The following RAB21 variants were observed in gnomAD, a reference collection of about 807,000 sequenced individuals.
RAB21 encodes RAB21, member RAS oncogene family.
A neutral mutation model predicts 33.1 loss-of-function variants in RAB21; 13 were observed. The ratio of observed to expected loss-of-function variants is 0.39; its 90% confidence interval spans 0.26 to 0.62. The LOEUF (loss-of-function observed/expected upper bound fraction) is 0.62, where lower values mean the gene tolerates loss of function less well. Ranked by LOEUF, RAB21 falls within the 20% of genes least tolerant of loss-of-function variation. The pLI, the probability that RAB21 is intolerant of heterozygous loss-of-function variation, is 0.48. For missense variants in RAB21, 234 were observed against 279.1 expected (o/e 0.84, Z 1.15); for synonymous variants, 91 against 103.7 (o/e 0.88, Z 0.74).
At chr12:71,763,572 A>G (rs924410864) in intron 1 of RAB21, among the ~76,000 whole-genome samples, 1 of 151,878 alleles carries the variant, frequency 6.6e-6, no homozygotes, top group Non-Finnish European at 1.5e-5. Context: ...ATCAGGTGTT[A>G]ATACAAGTTA....
chr12:71,769,706 C>G, intron 1 of RAB21, 94 bp from the exon 2 acceptor site: 1 of 566,712 alleles, frequency 1.8e-6, no homozygotes, highest in Non-Finnish European at 3.0e-6. Context: ...TCCCAGATAA[C>G]TTTTACATTG....
intron 1 of RAB21, among the ~76,000 whole-genome samples, chr12:71,765,855 T>C (rs1417086282): frequency 2.0e-5 from 3 of 152,108 alleles, no homozygotes; most frequent in Non-Finnish European, 4.4e-5. Context: ...GTTTCAGCTT[T>C]CTTCTTAAAT....
At chr12:71,770,721 G>A (rs1379679128) in intron 3 of RAB21, 22 bp downstream of exon 3, 1 of 1,432,972 alleles carries the variant, frequency 7.0e-7, no homozygotes, top group East Asian at 2.3e-5. Context: ...ATGGGTAGAT[G>A]TCTTAGAAGA....
chr12:71,764,529 G>A (rs1301734134), intron 1 of RAB21, among the ~76,000 whole-genome samples: 1 of 152,002 alleles, frequency 6.6e-6, no homozygotes, highest in Non-Finnish European at 1.5e-5. Flanking sequence ...AAGTTCTTTA[G>A]TGGTGATTTC....
intron 1 of RAB21, among the ~76,000 whole-genome samples, chr12:71,768,932 C>CGTGTGT (rs60960317): frequency 8.6e-5 from 13 of 151,424 alleles, no homozygotes; most frequent in African/African-American, 3.2e-4. Context: ...GTATACTTGA[C>CGTGTGT]GTGTGTGTGT....
intron 1 of RAB21, among the ~76,000 whole-genome samples, chr12:71,763,017 T>A (rs889200100): frequency 4.6e-5 from 7 of 152,018 alleles, no homozygotes; most frequent in Non-Finnish European, 8.8e-5. Flanking sequence ...TATTTTATTT[T>A]AAAAATTAAC....
At position 71,788,613 on chromosome 12, in the gene RAB21, T is replaced by TAA. The variant is rs1428838872; in HGVS notation, c.*2940_*2941insAA. 1 of 152,210 alleles carries TAA rather than the reference T, an allele frequency of 6.6e-6. No individual in the cohort carries two copies. The highest frequency in any genetic ancestry group is 1.5e-5 in the Non-Finnish European group (1 of 68,024). 9.4% of individuals were successfully genotyped at this position (152,210 alleles called of 1,614,324 possible). Reference sequence around the variant, plus strand: ...CATTCTTTTTCTGATAATTGTGCTATTAGGCAGAAGACACAAGTTACCACG... The same window carrying TAA: ...CATTCTTTTTCTGATAATTGTGCTATAATAGGCAGAAGACACAAGTTACCACG... On this transcript the variant is annotated 3_prime_UTR_variant, in exon 7 of 7. Coordinates refer to ENST00000261263, the MANE Select transcript of RAB21 (RefSeq NM_014999.4).
At position 71,794,499 on chromosome 12, in the gene RAB21, CTA is replaced by C. The variant is rs1357307274; in HGVS notation, c.*8828_*8829del. The C allele has an allele frequency of 8.6e-6, 1 of 116,814 alleles. No individual in the cohort carries two copies. The highest frequency in any genetic ancestry group is 3.3e-5 in the African/African-American group (1 of 30,554). The allele number at this position is 116,814 out of a possible 1,614,324, so 7.2% of individuals were successfully genotyped here. A position where few individuals can be genotyped will look rare whatever the true frequency, so the allele number is the denominator to read the frequency against. On this transcript the variant is annotated 3_prime_UTR_variant, in exon 7 of 7. Transcript: ENST00000261263. The stretch of plus-strand genomic sequence containing the variant: ...TGTCCCAGGCCAGAGTGCAGTGGCG[CTA>C]TCTCGGCTCACTGCAAGCTCCGGCT...
In RAB21 at chr12:71,770,626, G is replaced by T; in HGVS notation, c.254G>T (p.Gly85Val). ...TAGQERFHAL[G>V]PIYYRDSNGA... ...GGTCAAGAGAGATTCCATGCATTGG[G>T]TCCAATTTACTACAGAGATTCAAAT... is the stretch of plus-strand genomic sequence containing the variant. Residue 85 changes from glycine (G) to valine (V), a missense_variant, in exon 3 of 7, where the codon GGT (glycine) becomes GTT (valine). Coordinates refer to ENST00000261263, the MANE Select transcript of RAB21 (RefSeq NM_014999.4). 6.2e-7 allele frequency: 1 copy of T among 1,608,754 alleles called. No individual in the cohort carries two copies. Among genetic ancestry groups the T allele is most frequent in the Non-Finnish European group, 8.5e-7 (1 of 1,175,732 alleles).
At chr12:71,772,622 A>G (rs554913531) in intron 3 of RAB21, among the ~76,000 whole-genome samples, 2 of 152,214 alleles carry the variant, frequency 1.3e-5, no homozygotes, top group South Asian at 2.1e-4. Context: ...CTATATGCAC[A>G]TGGAAGAGAG....
At chr12:71,779,215 T>G (rs1400689540) in intron 4 of RAB21, among the ~76,000 whole-genome samples, 1 of 152,090 alleles carries the variant, frequency 6.6e-6, no homozygotes, top group African/African-American at 2.4e-5. Flanking sequence ...ATCCGAGCAT[T>G]TAGGGAGACC....
intron 3 of RAB21, among the ~76,000 whole-genome samples, chr12:71,773,103 G>A (rs781154320): frequency 6.6e-6 from 1 of 152,178 alleles, no homozygotes; most frequent in Non-Finnish European, 1.5e-5. Context: ...AAGAATGAAG[G>A]CAGGTGTCCA....
In RAB21 at chr12:71,790,234, CAA is replaced by C. The variant is rs1260623680; in HGVS notation, c.*4562_*4563del. On this transcript the variant is annotated 3_prime_UTR_variant, in exon 7 of 7. Transcript: ENST00000261263. Reference sequence around the variant, plus strand: ...AATGCATCATATTAAAGGCACAAGTCAAGAGGAGGTGGAGTTGCCTACTTCAG... The same window carrying C: ...AATGCATCATATTAAAGGCACAAGTCGAGGAGGTGGAGTTGCCTACTTCAG... The C allele has an allele frequency of 1.3e-5, 2 of 152,124 alleles. No homozygotes were observed. The highest frequency in any genetic ancestry group is 4.8e-5 in the African/African-American group (2 of 41,432). The allele number at this position is 152,124 out of a possible 1,614,324, so 9.4% of individuals were successfully genotyped here.
At chr12:71,784,045 T>C (rs1334060818) in intron 6 of RAB21, among the ~76,000 whole-genome samples, 6 of 152,210 alleles carry the variant, frequency 3.9e-5, no homozygotes, top group African/African-American at 1.4e-4. Context: ...ATAGAAATTT[T>C]GGAAAGTTAA....
intron 4 of RAB21, among the ~76,000 whole-genome samples, chr12:71,780,900 A>T (rs1197405543): frequency 1.3e-5 from 2 of 152,160 alleles, no homozygotes; most frequent in African/African-American, 2.4e-5. Flanking sequence ...GAAGAATAAA[A>T]ATGTTTGTTT....
intron 1 of RAB21, among the ~76,000 whole-genome samples, chr12:71,767,820 G>A (rs1010498151): frequency 6.6e-6 from 1 of 152,134 alleles, no homozygotes; most frequent in African/African-American, 2.4e-5. Context: ...TTGAAAAAGA[G>A]GCACTTAAAT....
At chr12:71,772,960 A>G (rs186421495) in intron 3 of RAB21, among the ~76,000 whole-genome samples, 1 of 152,328 alleles carries the variant, frequency 6.6e-6, no homozygotes, top group African/African-American at 2.4e-5. Context: ...TGTACACCAT[A>G]AGACCAGATG....
At chr12:71,758,808 C>T (rs1406505483) in intron 1 of RAB21, among the ~76,000 whole-genome samples, 1 of 152,126 alleles carries the variant, frequency 6.6e-6, no homozygotes, top group Non-Finnish European at 1.5e-5. Flanking sequence ...CTTCTAGGCA[C>T]TATGTAATCA....
chr12:71,784,155 AT>A lies in RAB21; in HGVS notation c.536-1373del, dbSNP rs1200682941. Reference sequence around the variant, plus strand: ...AACCATTAATCAAGAGCAGTCTCTAATTTAAGAGCCCTTTTGTATTTTAAGG... The same window carrying A: ...AACCATTAATCAAGAGCAGTCTCTAATTAAGAGCCCTTTTGTATTTTAAGG... On this transcript the variant is annotated intron_variant, in intron 6 of 6. Transcript: ENST00000261263. Among the ~76,000 whole-genome samples, 3 of 152,176 alleles carry A rather than the reference AT, an allele frequency of 2.0e-5. No homozygotes were observed. The East Asian group carries it at 5.8e-4, about 29-fold the overall frequency.
Sources: allele counts gnomAD v4.1 joint callset (sites outside exome capture counted in the v4.1 genomes callset), GRCh38; gene constraint gnomAD v4.1.1; transcripts MANE v1.5; gene names NCBI Gene and HGNC (gene_info 2026-07-23, HGNC 2026-07-21).